The following EFHD2 variants were observed in gnomAD, a reference collection of about 807,000 sequenced individuals.
EFHD2 encodes EF-hand domain-containing protein D2.
EFHD2 carries 12 observed loss-of-function variants against 20.3 expected under a neutral mutation model. That is an observed-to-expected ratio of 0.59 (90% CI 0.38 to 0.96). The LOEUF is 0.96. Among genes scored for constraint, EFHD2 ranks in the 40% least tolerant of loss-of-function variants. The probability of loss-of-function intolerance (pLI) is 0.00; values close to 1 mark genes in which losing one functional copy is unlikely to be tolerated. For synonymous variants in EFHD2, 131 were observed against 143.9 expected, an observed-to-expected ratio of 0.91 and a Z score of 0.64; for missense variants, 250 against 334.3, an observed-to-expected ratio of 0.75 and a Z score of 1.97.
At chr1:15,418,486 T>C (rs1331025891) in intron 1 of EFHD2, among the ~76,000 whole-genome samples, 3 of 150,830 alleles carry the variant, frequency 2.0e-5, no homozygotes, top group African/African-American at 4.9e-5. Flanking sequence ...TTTGTATTTT[T>C]AGTAGAGACG....
intron 1 of EFHD2, among the ~76,000 whole-genome samples, chr1:15,418,552 G>A (rs961691670): frequency 3.5e-4 from 53 of 151,936 alleles, no homozygotes; most frequent in Non-Finnish European, 6.0e-4. Flanking sequence ...TGATCCGCCC[G>A]CCTTGGCCTC....
chr1:15,428,725 C>G lies in EFHD2; in HGVS notation c.*1C>G, dbSNP rs77815160. 3 of 1,579,818 alleles carry G rather than the reference C, an allele frequency of 1.9e-6. No individual in the cohort carries two copies. In the African/African-American group the frequency reaches 4.1e-5, roughly 21 times the overall value. On this transcript the variant is annotated 3_prime_UTR_variant, in exon 4 of 4. Coordinates refer to ENST00000375980, the MANE Select transcript of EFHD2 (RefSeq NM_024329.6). Reference sequence around the variant, plus strand: ...GGAGCTGCAGTCCACCTTTAAGTAGCGGGGGCTGCAGCCGACCGCCCTGCT... The same window carrying G: ...GGAGCTGCAGTCCACCTTTAAGTAGGGGGGGCTGCAGCCGACCGCCCTGCT...
chr1:15,415,365 T>C (rs1707643293), intron 1 of EFHD2, among the ~76,000 whole-genome samples: 1 of 152,160 alleles, frequency 6.6e-6, no homozygotes, highest in Non-Finnish European at 1.5e-5. Flanking sequence ...CCTGCCTCTG[T>C]GCCCCCTCCT....
At position 15,429,875 on chromosome 1, in the gene EFHD2, A is replaced by G. The variant is rs1707939157; in HGVS notation, c.*1151A>G. ...CACAGCTTCCCACGTGCTTGCTGACATGCGTGTGCCTGTGTGTGGTGTCTG... is the reference window on the plus strand; with the variant it reads ...CACAGCTTCCCACGTGCTTGCTGACGTGCGTGTGCCTGTGTGTGGTGTCTG... On this transcript the variant is annotated 3_prime_UTR_variant, in exon 4 of 4. Transcript: ENST00000375980. The G allele has an allele frequency of 6.5e-6, 1 of 152,770 alleles. No homozygotes were observed. The highest frequency in any genetic ancestry group is 6.5e-5 in the Admixed American group (1 of 15,292). The allele number at this position is 152,770 out of a possible 1,614,324, so 9.5% of individuals were successfully genotyped here.
Position 15,409,984 on chromosome 1 carries a change from G to A in EFHD2, c.13G>A (p.Glu5Lys), listed in dbSNP as rs947453033. MATD[E>K]LATKLSRRLQ... ...CGCGCGGGCCACCATGGCCACGGAC[G>A]AGCTGGCCACCAAGCTGAGCCGGCG... Residue 5 changes from glutamate to lysine, a missense_variant, in exon 1 of 4, where the codon GAG (glutamate) becomes AAG (lysine). Glu to Lys is a moderately conservative substitution (Grantham distance 56). Around this residue, in one of 3 missense-constraint regions of EFHD2, gnomAD observed 143 missense variants for 190.6 expected, o/e 0.75. Coordinates refer to ENST00000375980, the MANE Select transcript of EFHD2 (RefSeq NM_024329.6). The A allele has an allele frequency of 8.0e-6, 10 of 1,247,058 alleles. No homozygotes were observed. Among genetic ancestry groups the A allele is most frequent in the African/African-American group, 7.9e-5 (5 of 63,532 alleles). 77.2% of individuals were successfully genotyped at this position (1,247,058 alleles called of 1,614,324 possible).
chr1:15,417,768 C>T (rs544892804), intron 1 of EFHD2, among the ~76,000 whole-genome samples: 1 of 152,296 alleles, frequency 6.6e-6, no homozygotes, highest in Admixed American at 6.5e-5. Context: ...ATACCCAACA[C>T]CCACCCTGTC....
At position 15,425,899 on chromosome 1, in the gene EFHD2, G is replaced by A. The variant is rs1351928709; in HGVS notation, c.337G>A (p.Asp113Asn). Reference sequence around the variant, plus strand: ...TGATGCCGGGCGGGACGGCTTCATCGACCTGATGGAGCTAAAACTCATGAT... The same window carrying A: ...TGATGCCGGGCGGGACGGCTTCATCAACCTGATGGAGCTAAAACTCATGAT... Reference protein sequence around the residue: ...QYDAGRDGFIDLMELKLMMEK... With the variant: ...QYDAGRDGFINLMELKLMMEK... Residue 113 changes from aspartate to asparagine, a missense_variant, in exon 2 of 4, where the codon GAC becomes AAC. Asp to Asn is a conservative substitution (Grantham distance 23, BLOSUM62 1). Around this residue, in one of 3 missense-constraint regions of EFHD2, gnomAD observed 143 missense variants for 190.6 expected, o/e 0.75. Coordinates refer to ENST00000375980, the MANE Select transcript of EFHD2 (RefSeq NM_024329.6). 3 of 1,606,086 alleles carry A rather than the reference G, an allele frequency of 1.9e-6. No homozygotes were observed. Among genetic ancestry groups the A allele is most frequent in the Non-Finnish European group, 1.7e-6 (2 of 1,176,780 alleles).
At position 15,418,237 on chromosome 1, in the gene EFHD2, G is replaced by T. The variant is rs113980046; in HGVS notation, c.309-7634G>T. 2.7e-5 allele frequency among the ~76,000 whole-genome samples: 4 copies of T among 149,386 alleles called. No individual in the cohort carries two copies. In the Admixed American group the frequency reaches 2.7e-4, roughly 10 times the overall value. On this transcript the variant is annotated intron_variant, in intron 1 of 3. Coordinates refer to ENST00000375980, the MANE Select transcript of EFHD2 (RefSeq NM_024329.6). ...ACTCCTGGCCTCAAGTGATCTGCCC[G>T]CCTCGGCCTCCCAAAGTGCTGAGAT...
chr1:15,430,269 A>C lies in EFHD2; in HGVS notation c.*1545A>C, dbSNP rs1707947603. 1 of 152,850 alleles carries C rather than the reference A, an allele frequency of 6.5e-6. No individual in the cohort carries two copies. Among genetic ancestry groups the C allele is most frequent in the South Asian group, 2.1e-4 (1 of 4,876 alleles). The allele number at this position is 152,850 out of a possible 1,614,324, so 9.5% of individuals were successfully genotyped here. On this transcript the variant is annotated 3_prime_UTR_variant, in exon 4 of 4. Coordinates refer to ENST00000375980, the MANE Select transcript of EFHD2 (RefSeq NM_024329.6). Reference sequence around the variant, plus strand: ...CCTTCTCCCCGACCCCACCCCCCAAAAAAGCTACTTCTTCATTCCGTGGTA... The same window carrying C: ...CCTTCTCCCCGACCCCACCCCCCAACAAAGCTACTTCTTCATTCCGTGGTA...
At chr1:15,420,761 G>A (rs186498443) in intron 1 of EFHD2, among the ~76,000 whole-genome samples, 103 of 152,056 alleles carry the variant, frequency 6.8e-4, no homozygotes, top group African/African-American at 2.4e-3. Flanking sequence ...CTCGTGATCC[G>A]CCTGCCTCAG....
Position 15,426,099 on chromosome 1 carries a change from C to G in EFHD2, c.456+81C>G. On this transcript the variant is annotated intron_variant, in intron 2 of 3. Coordinates refer to ENST00000375980, the MANE Select transcript of EFHD2 (RefSeq NM_024329.6). This position sits in a 1 kb window ranked among gnomAD's most constrained non-coding sequence, Gnocchi z 4.6. The stretch of plus-strand genomic sequence containing the variant: ...TGGCCCGGGAGAGACCAACCCCCAC[C>G]CTTTGTCAATGAATGAATGACATTG... 1 of 1,397,866 alleles carries G rather than the reference C, an allele frequency of 7.2e-7. No homozygotes were observed. The highest frequency in any genetic ancestry group is 9.5e-7 in the Non-Finnish European group (1 of 1,054,340). 86.6% of individuals were successfully genotyped at this position (1,397,866 alleles called of 1,614,324 possible). A position where few individuals can be genotyped will look rare whatever the true frequency, so the allele number is the denominator to read the frequency against.
At chr1:15,421,409 G>A (rs1707789591) in intron 1 of EFHD2, among the ~76,000 whole-genome samples, 1 of 152,174 alleles carries the variant, frequency 6.6e-6, no homozygotes, top group South Asian at 2.1e-4. Context: ...CCAGCACCTG[G>A]CCTCTCGCAG....
chr1:15,420,183 T>C (rs1570767330), intron 1 of EFHD2, among the ~76,000 whole-genome samples: 4 of 152,326 alleles, frequency 2.6e-5, no homozygotes, highest in Admixed American at 2.6e-4. Flanking sequence ...TCATCACCCT[T>C]TTTATATTGT....
chr1:15,426,041 C>T lies in EFHD2; in HGVS notation c.456+23C>T. 3.2e-6 allele frequency: 5 copies of T among 1,550,002 alleles called. No homozygotes were observed. The highest frequency in any genetic ancestry group is 2.4e-5 in the East Asian group (1 of 40,834). On this transcript the variant is annotated intron_variant, in intron 2 of 3. Coordinates refer to ENST00000375980, the MANE Select transcript of EFHD2 (RefSeq NM_024329.6). The surrounding 1 kb of genome is among the most constrained non-coding windows in gnomAD (Gnocchi z 4.6). ...GAGGTAAGCCCGGCCCCCAGCCCCA[C>T]TCCCCTACCAGGGGCTTCACCTGAG...
chr1:15,424,874 G>T (rs771569653), intron 1 of EFHD2, among the ~76,000 whole-genome samples: 1 of 152,148 alleles, frequency 6.6e-6, no homozygotes, highest in African/African-American at 2.4e-5. Context: ...GAAAGAGGCC[G>T]CCTTCCACAC....
chr1:15,427,873 G>A (rs1317240196), intron 3 of EFHD2: 1 of 469,070 alleles, frequency 2.1e-6, no homozygotes, highest in East Asian at 7.0e-5. Flanking sequence ...TCGGAGCATT[G>A]GTGGAACTTT....
chr1:15,412,205 A>G (rs1038821380), intron 1 of EFHD2, among the ~76,000 whole-genome samples: 4 of 151,816 alleles, frequency 2.6e-5, no homozygotes, highest in African/African-American at 9.7e-5. Context: ...GATTCCTGGA[A>G]GAGTAACGTG....
chr1:15,424,172 C>A (rs897490257), intron 1 of EFHD2, among the ~76,000 whole-genome samples: 2 of 150,842 alleles, frequency 1.3e-5, no homozygotes, highest in Non-Finnish European at 3.0e-5. Context: ...AGCAACACCC[C>A]GTCTCAAAAA....
chr1:15,426,959 C>T lies in EFHD2; in HGVS notation c.457-191C>T, dbSNP rs1163244915. ...CTGGGTGGCAGATGAGTCATATCTC[C>T]TCCCATTGTACAGTTGGGCAGAGGC... On this transcript the variant is annotated intron_variant, in intron 2 of 3. Coordinates refer to ENST00000375980, the MANE Select transcript of EFHD2 (RefSeq NM_024329.6). This position sits in a 1 kb window ranked among gnomAD's most constrained non-coding sequence, Gnocchi z 4.6. 5.9e-5 allele frequency among the ~76,000 whole-genome samples: 9 copies of T among 152,312 alleles called. No individual in the cohort carries two copies. The East Asian group carries it at 1.5e-3, about 26-fold the overall frequency.
Sources: gnomAD v4.1 joint callset for allele counts (sites outside exome capture counted in the v4.1 genomes callset) on GRCh38, gnomAD v4.1.1 for gene constraint, gnomAD v4.1.1 regional missense constraint, Gnocchi (gnomAD v3.1) non-coding constraint, MANE v1.5 for transcripts, NCBI Gene and HGNC (gene_info 2026-07-23, HGNC 2026-07-21) for gene names.